SLIT3: variants seen among roughly 807,000 people sequenced by gnomAD.
SLIT3 encodes the protein slit homolog 3 protein.
SLIT3 carries 68 observed loss-of-function variants against 184.0 expected under a neutral mutation model. The observed-to-expected ratio is 0.37, with a 90% CI of 0.30 to 0.45. SLIT3 has a LOEUF of 0.45. SLIT3 is among the 20% of genes least tolerant of loss of function. The pLI, the probability that SLIT3 is intolerant of heterozygous loss-of-function variation, is 1.00. For synonymous variants in SLIT3, 831 were observed against 828.6 expected (o/e 1.00, Z -0.05); for missense variants, 1,707 against 2,026.0 (o/e 0.84, Z 3.02).
At chr5:169,156,544 C>A (rs577558193) in intron 4 of SLIT3, among the ~76,000 whole-genome samples, 1 of 152,336 alleles carries the variant, frequency 6.6e-6, no homozygotes, top group East Asian at 1.9e-4. Flanking sequence ...CCTGCCCTGT[C>A]TGGGCTGTTT....
intron 4 of SLIT3, among the ~76,000 whole-genome samples, chr5:169,087,177 G>A (rs955740050): frequency 2.0e-5 from 3 of 152,272 alleles, no homozygotes; most frequent in South Asian, 2.1e-4. Context: ...TTCTTCCCCC[G>A]GATATTCTGC....
Position 168,877,542 on chromosome 5 carries a change from C to T in SLIT3, c.485+5723G>A, listed in dbSNP as rs146023213. 4.8e-3 allele frequency among the ~76,000 whole-genome samples: 732 copies of T among 152,260 alleles called. 5 individuals are homozygous for T. The highest frequency in any genetic ancestry group is 7.0e-3 in the Non-Finnish European group (478 of 68,028). On this transcript the variant is annotated intron_variant, in intron 5 of 35. Transcript: ENST00000519560. ...AGCAGACAGAGATGCTACCAACGAA[C>T]GGGTGCTGGTGTCCCTCCCCACACC...
At chr5:169,296,985 C>T (rs1435925093) in intron 1 of SLIT3, among the ~76,000 whole-genome samples, 1 of 152,172 alleles carries the variant, frequency 6.6e-6, no homozygotes, top group Non-Finnish European at 1.5e-5. Context: ...TTTTCATCTG[C>T]CTCCTCTTTT....
intron 4 of SLIT3, among the ~76,000 whole-genome samples, chr5:169,009,551 T>A (rs1335767570): frequency 6.6e-6 from 1 of 152,242 alleles, no homozygotes; most frequent in Non-Finnish European, 1.5e-5. Flanking sequence ...GGTTGTCATA[T>A]TTGGTCTGTC....
At chr5:168,872,132 A>G (rs1463895403) in intron 5 of SLIT3, among the ~76,000 whole-genome samples, 2 of 152,198 alleles carry the variant, frequency 1.3e-5, no homozygotes, top group East Asian at 3.8e-4. Context: ...TTCAAAGAAG[A>G]AAAAGGAGAC....
intron 4 of SLIT3, among the ~76,000 whole-genome samples, chr5:169,184,021 A>G (rs1161467462): frequency 6.6e-6 from 1 of 152,254 alleles, no homozygotes; most frequent in Non-Finnish European, 1.5e-5. Flanking sequence ...GCTGGCCCAC[A>G]GGGCTGAAGA....
At chr5:169,290,403 G>A (rs1227647271) in intron 1 of SLIT3, among the ~76,000 whole-genome samples, 6 of 150,208 alleles carry the variant, frequency 4.0e-5, no homozygotes, top group Admixed American at 1.3e-4. Flanking sequence ...ATATACTAGG[G>A]CACACACTAG....
intron 18 of SLIT3, among the ~76,000 whole-genome samples, chr5:168,752,133 G>A (rs896289616): frequency 2.6e-5 from 4 of 152,156 alleles, no homozygotes; most frequent in Non-Finnish European, 5.9e-5. Context: ...GGACAAAGAC[G>A]AGATGGCCCA....
At chr5:169,189,118 G>A (rs1763455440) in intron 4 of SLIT3, among the ~76,000 whole-genome samples, 1 of 152,158 alleles carries the variant, frequency 6.6e-6, no homozygotes, top group Non-Finnish European at 1.5e-5. Flanking sequence ...TATAGCTCAT[G>A]TTCTGTGTGT....
chr5:168,781,603 C>T (rs529128145), intron 12 of SLIT3, among the ~76,000 whole-genome samples: 2 of 152,230 alleles, frequency 1.3e-5, no homozygotes, highest in South Asian at 4.1e-4. Flanking sequence ...ATAGAGCAAA[C>T]ATTAGTGGGC....
At chr5:168,840,829 C>T (rs763461712) in intron 6 of SLIT3, among the ~76,000 whole-genome samples, 2 of 152,096 alleles carry the variant, frequency 1.3e-5, no homozygotes, top group African/African-American at 4.8e-5. Flanking sequence ...GAAAGTAGAG[C>T]CCCCAAACTG....
rs368762203 is a variant in SLIT3 at position 168,790,509 on chromosome 5, A to G, written c.1008-878T>C. The G allele has an allele frequency of 5.9e-5, 9 of 152,356 alleles. No homozygotes were observed. In the East Asian group the frequency reaches 1.3e-3, roughly 23 times the overall value. The allele number at this position is 152,356 out of a possible 1,614,324, so 9.4% of individuals were successfully genotyped here. A position where few individuals can be genotyped will look rare whatever the true frequency, so the allele number is the denominator to read the frequency against. On this transcript the variant is annotated intron_variant, in intron 10 of 35. Transcript: ENST00000519560. ...AGAACCTGGACACCAGCTCTTGCTA[A>G]TGGCCCTTCACTGAGGGGAAATTCT...
At chr5:168,781,309 C>A (rs1355870142) in intron 12 of SLIT3, among the ~76,000 whole-genome samples, 5 of 152,178 alleles carry the variant, frequency 3.3e-5, no homozygotes, top group Admixed American at 3.3e-4. Flanking sequence ...TGGTGGCTTG[C>A]CCATTCCTTC....
chr5:169,055,181 G>C (rs566352584), intron 4 of SLIT3, among the ~76,000 whole-genome samples: 1 of 152,260 alleles, frequency 6.6e-6, no homozygotes, highest in Admixed American at 6.5e-5. Flanking sequence ...TCATGAGGAT[G>C]CCAGCCATGA....
At chr5:169,247,904 G>A (rs1370906353) in intron 2 of SLIT3, among the ~76,000 whole-genome samples, 3 of 152,130 alleles carry the variant, frequency 2.0e-5, no homozygotes, top group Non-Finnish European at 2.9e-5. Flanking sequence ...GATTACAGGC[G>A]TGAGCCACCA....
At chr5:169,179,269 C>T (rs921656155) in intron 4 of SLIT3, among the ~76,000 whole-genome samples, 2 of 120,762 alleles carry the variant, frequency 1.7e-5, no homozygotes, top group Non-Finnish European at 3.4e-5. Flanking sequence ...GAAACCTATT[C>T]CTTTTTCTTT....
At chr5:169,201,455 G>A (rs1254038636) in intron 3 of SLIT3, among the ~76,000 whole-genome samples, 1 of 152,156 alleles carries the variant, frequency 6.6e-6, no homozygotes, top group Non-Finnish European at 1.5e-5. Context: ...CATCTGTAAA[G>A]GGCTTTGCAA....
intron 26 of SLIT3, among the ~76,000 whole-genome samples, chr5:168,703,721 G>T (rs1258913811): frequency 6.6e-6 from 1 of 151,962 alleles, no homozygotes; most frequent in African/African-American, 2.4e-5. Flanking sequence ...TGGGAGGCCA[G>T]CGTGGGCGGA....
intron 1 of SLIT3, among the ~76,000 whole-genome samples, chr5:169,296,107 C>T (rs886198586): frequency 1.3e-5 from 2 of 152,198 alleles, no homozygotes; most frequent in South Asian, 2.1e-4. Flanking sequence ...CCCTTAATAA[C>T]TCATGTCATA....
Sources: gnomAD v4.1 joint callset for allele counts (sites outside exome capture counted in the v4.1 genomes callset) on GRCh38, gnomAD v4.1.1 for gene constraint, MANE v1.5 for transcripts, NCBI Gene and HGNC (gene_info 2026-07-23, HGNC 2026-07-21) for gene names.